Variants in PCDHGA2 observed in about 807,000 individuals in gnomAD.
The protein encoded by PCDHGA2 is protocadherin gamma-A2.
A neutral mutation model predicts 59.2 loss-of-function variants in PCDHGA2; 40 were observed. That is an observed-to-expected ratio of 0.68 (90% CI 0.52 to 0.88). The LOEUF is 0.88. PCDHGA2 is among the 40% of genes least tolerant of loss of function. The pLI, the probability that PCDHGA2 is intolerant of heterozygous loss-of-function variation, is 0.00. For synonymous variants in PCDHGA2, 560 were observed against 526.0 expected (o/e 1.06, Z -0.89); for missense variants, 1,226 against 1,204.0 (o/e 1.02, Z -0.27).
At chr5:141,413,443 A>G (rs2095641277) in intron 1 of PCDHGA2, 1 of 1,613,986 alleles carries the variant, frequency 6.2e-7, no homozygotes, top group Admixed American at 1.7e-5. Context: ...CAGCTTGATC[A>G]CCGCGGGCAG....
chr5:141,385,563 C>T, intron 1 of PCDHGA2: 1 of 1,304,972 alleles, frequency 7.7e-7, no homozygotes, highest in Non-Finnish European at 9.7e-7. Flanking sequence ...TTATAATTTC[C>T]ACCTACTTTC....
Position 141,511,380 on chromosome 5 carries a change from C to G in PCDHGA2, c.*207C>G. The G allele has an allele frequency of 7.7e-6, 9 of 1,170,490 alleles. No individual in the cohort carries two copies. The highest frequency in any genetic ancestry group is 1.1e-5 in the Non-Finnish European group (9 of 854,564). 72.5% of individuals were successfully genotyped at this position (1,170,490 alleles called of 1,614,324 possible). A position where few individuals can be genotyped will look rare whatever the true frequency, so the allele number is the denominator to read the frequency against. On this transcript the variant is annotated 3_prime_UTR_variant, in exon 4 of 4. Transcript: ENST00000394576. ...GGGGTTGAATATGCAAAAGCAGTTC[C>G]GCTGGGAACCCCCATCCAATCAACT...
chr5:141,393,950 T>C (rs1203228447), intron 1 of PCDHGA2: 1 of 1,613,996 alleles, frequency 6.2e-7, no homozygotes, highest in Non-Finnish European at 8.5e-7. Context: ...CTGGAAAGAA[T>C]GGTCAAGTTG....
intron 1 of PCDHGA2, chr5:141,393,310 C>A (rs775937552): frequency 1.2e-6 from 2 of 1,613,388 alleles, no homozygotes; most frequent in African/African-American, 2.7e-5. Flanking sequence ...GGCGTGAACT[C>A]CCTCCAGAGC....
chr5:141,395,370 G>C, intron 1 of PCDHGA2: 1 of 1,207,198 alleles, frequency 8.3e-7, no homozygotes, highest in Non-Finnish European at 1.1e-6. Context: ...GTTTATTTTG[G>C]TGGTGTTACT....
chr5:141,380,372 C>G (rs73265858), intron 1 of PCDHGA2, among the ~76,000 whole-genome samples: 1 of 151,948 alleles, frequency 6.6e-6, no homozygotes, highest in African/African-American at 2.4e-5. Context: ...AAAAAAAAGT[C>G]CCAAAAAAGA....
chr5:141,409,080 C>T (rs2095221617), intron 1 of PCDHGA2: 1 of 1,613,988 alleles, frequency 6.2e-7, no homozygotes, highest in Non-Finnish European at 8.5e-7. Context: ...CATATGTTCT[C>T]ATTGGATGAG....
At chr5:141,442,701 A>AG (rs1388473196) in intron 1 of PCDHGA2, among the ~76,000 whole-genome samples, 5 of 152,258 alleles carry the variant, frequency 3.3e-5, no homozygotes, top group Non-Finnish European at 7.3e-5. Flanking sequence ...AGACAAGAGT[A>AG]TCAGACATGC....
At position 141,489,720 on chromosome 5, in the gene PCDHGA2, G is replaced by T. The variant is rs560729125; in HGVS notation, c.2425-5087G>T. 1.9e-6 allele frequency: 3 copies of T among 1,614,200 alleles called. No individual in the cohort carries two copies. Among genetic ancestry groups the T allele is most frequent in the Middle Eastern group, 1.6e-4 (1 of 6,062 alleles). ...TCCCACTGGACAGTGCCCAGGATCC[G>T]GATGTGGGCACCAATACTGTGAGCT... On this transcript the variant is annotated intron_variant, in intron 1 of 3. Transcript: ENST00000394576. This position sits in a 1 kb window ranked among gnomAD's most constrained non-coding sequence, Gnocchi z 4.5.
In PCDHGA2 at chr5:141,366,458, G is replaced by A. The variant is rs555568322; in HGVS notation, c.2424+25063G>A. 4 of 1,614,092 alleles carry A rather than the reference G, an allele frequency of 2.5e-6. No homozygotes were observed. In the African/African-American group the frequency reaches 4.0e-5, roughly 16 times the overall value. On this transcript the variant is annotated intron_variant, in intron 1 of 3. Coordinates refer to ENST00000394576, the MANE Select transcript of PCDHGA2 (RefSeq NM_018915.4). Reference sequence around the variant, plus strand: ...CTGCGTCTTCCTGGCCTTCGTCATCGTGCTGCTGGTGCTCAGACTGAGGCG... The same window carrying A: ...CTGCGTCTTCCTGGCCTTCGTCATCATGCTGCTGGTGCTCAGACTGAGGCG...
At chr5:141,364,914 T>A (rs745343647) in intron 1 of PCDHGA2, 1 of 1,613,936 alleles carries the variant, frequency 6.2e-7, no homozygotes, top group Non-Finnish European at 8.5e-7. Flanking sequence ...CCGGAGCTGG[T>A]GTTGGAACAG....
chr5:141,389,875 A>G (rs753159908), intron 1 of PCDHGA2: 2 of 1,613,946 alleles, frequency 1.2e-6, no homozygotes, highest in African/African-American at 2.7e-5. Flanking sequence ...GTCTTCGCCG[A>G]CAGCTTGCAG....
Position 141,399,470 on chromosome 5 carries a change from T to C in PCDHGA2, c.2424+58075T>C, listed in dbSNP as rs773359741. 70 of 1,614,018 alleles carry C rather than the reference T, an allele frequency of 4.3e-5. No individual in the cohort carries two copies. The Middle Eastern group carries it at 4.9e-4, about 11-fold the overall frequency. On this transcript the variant is annotated intron_variant, in intron 1 of 3. Coordinates refer to ENST00000394576, the MANE Select transcript of PCDHGA2 (RefSeq NM_018915.4). ...GACGTCAACGATAACGCTCCGGTTT[T>C]CCACCAGGCGTCCTACTTAGTCAGT... is the stretch of plus-strand genomic sequence containing the variant.
chr5:141,385,526 G>C (rs1265906180), intron 1 of PCDHGA2: 1 of 1,352,594 alleles, frequency 7.4e-7, no homozygotes, highest in East Asian at 2.7e-5. Context: ...CTATGGACAA[G>C]ATTATGAATA....
intron 1 of PCDHGA2, chr5:141,352,010 G>A (rs1485029787): frequency 1.9e-6 from 3 of 1,610,096 alleles, no homozygotes; most frequent in African/African-American, 2.7e-5. Flanking sequence ...CGGCTACCTG[G>A]TGACCAAGGT....
chr5:141,488,196 TA>T, intron 1 of PCDHGA2, among the ~76,000 whole-genome samples: 1 of 152,186 alleles, frequency 6.6e-6, no homozygotes, highest in Non-Finnish European at 1.5e-5. Context: ...GTCTGGGTCT[TA>T]GGACTCATAT....
chr5:141,444,475 A>C (rs572738630), intron 1 of PCDHGA2, among the ~76,000 whole-genome samples: 2 of 152,110 alleles, frequency 1.3e-5, no homozygotes, highest in East Asian at 3.9e-4. Context: ...CCGGTCGCGT[A>C]CTGGATTTAT....
At chr5:141,343,808 A>G (rs1167038766) in intron 1 of PCDHGA2, 1 of 461,350 alleles carries the variant, frequency 2.2e-6, no homozygotes, top group Non-Finnish European at 3.8e-6. Flanking sequence ...AAGAAGGAGA[A>G]CGCAGCTGGA....
In PCDHGA2 at chr5:141,491,907, G is replaced by A; in HGVS notation, c.2425-2900G>A. 5 of 1,408,726 alleles carry A rather than the reference G, an allele frequency of 3.5e-6. No homozygotes were observed. In the South Asian group the frequency reaches 7.5e-5, roughly 21 times the overall value. The allele number at this position is 1,408,726 out of a possible 1,614,324, so 87.3% of individuals were successfully genotyped here. A position where few individuals can be genotyped will look rare whatever the true frequency, so the allele number is the denominator to read the frequency against. ...TGGGGCTCCGAGCACCGGGGGTGGTGGCGACTGTGGGCGAGGGGAGGTGGG... is the reference window on the plus strand; with the variant it reads ...TGGGGCTCCGAGCACCGGGGGTGGTAGCGACTGTGGGCGAGGGGAGGTGGG... On this transcript the variant is annotated intron_variant, in intron 1 of 3. Coordinates refer to ENST00000394576, the MANE Select transcript of PCDHGA2 (RefSeq NM_018915.4). This position sits in a 1 kb window ranked among gnomAD's most constrained non-coding sequence, Gnocchi z 6.9.
Sources: gnomAD v4.1 joint callset for allele counts (sites outside exome capture counted in the v4.1 genomes callset) on GRCh38, gnomAD v4.1.1 for gene constraint, Gnocchi (gnomAD v3.1) non-coding constraint, MANE v1.5 for transcripts, NCBI Gene and HGNC (gene_info 2026-07-23, HGNC 2026-07-21) for gene names.